Variants in SPIDR observed in about 807,000 individuals in gnomAD.
SPIDR encodes the protein DNA repair-scaffolding protein.
In SPIDR, 93 loss-of-function variants were observed where a neutral mutation model predicts 104.6. The ratio of observed to expected loss-of-function variants is 0.89; its 90% CI spans 0.75 to 1.06. SPIDR has a LOEUF of 1.06. Among genes scored for constraint, SPIDR ranks in the 50% least tolerant of loss-of-function variants. SPIDR has a pLI of 0.00. For synonymous variants in SPIDR, 431 were observed against 416.9 expected (o/e 1.03, Z -0.41); for missense variants, 1,154 against 1,111.2 (o/e 1.04, Z -0.55).
At chr8:47,280,153 G>C (rs929033916) in intron 2 of SPIDR, 136 bp downstream of exon 2, 2 of 741,710 alleles carry the variant, frequency 2.7e-6, no homozygotes, top group Non-Finnish European at 4.0e-6. Context: ...TCCTTTTCTT[G>C]CCTTTCATTC....
intron 8 of SPIDR, among the ~76,000 whole-genome samples, chr8:47,580,623 G>A (rs536971166): frequency 4.6e-4 from 70 of 150,608 alleles, no homozygotes; most frequent in South Asian, 2.1e-4. Flanking sequence ...AGATTCTCAC[G>A]TGCTTGGTCA....
intron 5 of SPIDR, among the ~76,000 whole-genome samples, chr8:47,340,166 T>G (rs1587298035): frequency 6.6e-6 from 1 of 152,054 alleles, no homozygotes; most frequent in Non-Finnish European, 1.5e-5. Flanking sequence ...ATGAAGTTTC[T>G]AACACAAAAG....
intron 1 of SPIDR, among the ~76,000 whole-genome samples, chr8:47,268,426 TAAC>T (rs2034543617): frequency 6.6e-6 from 1 of 152,256 alleles, no homozygotes; most frequent in Non-Finnish European, 1.5e-5. Flanking sequence ...ATTATCATCT[TAAC>T]AATATTATTT....
At chr8:47,611,943 C>T (rs901657948) in intron 10 of SPIDR, among the ~76,000 whole-genome samples, 24 of 152,224 alleles carry the variant, frequency 1.6e-4, no homozygotes, top group Admixed American at 2.6e-4. Context: ...GGAGAGACTC[C>T]TCAGGCCTCT....
At chr8:47,319,542 A>G (rs1445303485) in intron 5 of SPIDR, among the ~76,000 whole-genome samples, 2 of 152,192 alleles carry the variant, frequency 1.3e-5, no homozygotes, top group Non-Finnish European at 2.9e-5. Flanking sequence ...TCAGTGAGAC[A>G]GAAAGTTAAC....
At chr8:47,550,297 G>C (rs534859837) in intron 8 of SPIDR, among the ~76,000 whole-genome samples, 1 of 152,114 alleles carries the variant, frequency 6.6e-6, no homozygotes, top group African/African-American at 2.4e-5. Context: ...TTCCAATTCT[G>C]TGAAGAAAGT....
intron 7 of SPIDR, among the ~76,000 whole-genome samples, chr8:47,416,110 G>T (rs2064234068): frequency 6.6e-6 from 1 of 152,172 alleles, no homozygotes; most frequent in Non-Finnish European, 1.5e-5. Context: ...CAGGTGTGGT[G>T]GCAGGCGCCT....
intron 8 of SPIDR, among the ~76,000 whole-genome samples, chr8:47,469,419 CAT>C (rs1176337081): frequency 2.0e-5 from 3 of 151,980 alleles, no homozygotes; most frequent in Admixed American, 2.0e-4. Flanking sequence ...CGCAGGCAAG[CAT>C]ATGTTTGTTG....
chr8:47,323,702 A>G (rs1374588143), intron 5 of SPIDR, among the ~76,000 whole-genome samples: 2 of 152,180 alleles, frequency 1.3e-5, no homozygotes, highest in African/African-American at 4.8e-5. Context: ...ACAGCTGAAC[A>G]TAGAAGACAT....
At chr8:47,376,964 T>A (rs1479517841) in intron 5 of SPIDR, among the ~76,000 whole-genome samples, 1 of 152,218 alleles carries the variant, frequency 6.6e-6, no homozygotes, top group Non-Finnish European at 1.5e-5. Context: ...TCATGTGTTA[T>A]CTCTGGCTGC....
Position 47,687,496 on chromosome 8 carries a change from CTCTG to C in SPIDR, c.1686-12901_1686-12898del, listed in dbSNP as rs1189446189. On this transcript the variant is annotated intron_variant, in intron 11 of 19. Transcript: ENST00000297423. ...TGCTGCAACACACTTCCTTGTATATCTCTGTCTGTATCTCCTGTATGTATTGAGC... is the reference window on the plus strand; with the variant it reads ...TGCTGCAACACACTTCCTTGTATATCTCTGTATCTCCTGTATGTATTGAGC... Among the ~76,000 whole-genome samples, 3 of 152,216 alleles carry C rather than the reference CTCTG, an allele frequency of 2.0e-5. No individual in the cohort carries two copies. In the East Asian group the frequency reaches 5.8e-4, roughly 29 times the overall value.
chr8:47,289,645 C>G (rs1043200877), intron 3 of SPIDR, among the ~76,000 whole-genome samples: 7 of 152,106 alleles, frequency 4.6e-5, no homozygotes, highest in African/African-American at 1.4e-4. Context: ...GACTGGATCA[C>G]CAGTACATTG....
rs528336160 is a variant in SPIDR, at chr8:47,679,122, G to C, written c.1685+5181G>C. ...CACCAGGGTGCCCTCTGGCACCATG[G>C]AGGTAACCTTGCAGCTCACTCTGGT... On this transcript the variant is annotated intron_variant, in intron 11 of 19. Transcript: ENST00000297423. Among the ~76,000 whole-genome samples, 30 of 152,306 alleles carry C rather than the reference G, an allele frequency of 2.0e-4. No individual in the cohort carries two copies. The Middle Eastern group carries it at 0.024, about 121-fold the overall frequency.
intron 8 of SPIDR, among the ~76,000 whole-genome samples, chr8:47,540,705 C>G (rs896413417): frequency 6.6e-6 from 1 of 152,032 alleles, no homozygotes; most frequent in African/African-American, 2.4e-5. Context: ...TCTTGTCTTT[C>G]CCCCCATTGC....
intron 8 of SPIDR, among the ~76,000 whole-genome samples, chr8:47,489,089 A>G (rs2078212116): frequency 1.3e-5 from 2 of 152,222 alleles, no homozygotes; most frequent in Non-Finnish European, 2.9e-5. Context: ...ACATGATTGT[A>G]TATTTAGAAA....
chr8:47,627,681 C>A (rs1395189971), intron 10 of SPIDR, among the ~76,000 whole-genome samples: 1 of 151,980 alleles, frequency 6.6e-6, no homozygotes, highest in Non-Finnish European at 1.5e-5. Flanking sequence ...CATGTGATTC[C>A]TCCCCCCTCC....
chr8:47,593,550 A>G (rs2061310354), intron 8 of SPIDR, among the ~76,000 whole-genome samples: 1 of 152,196 alleles, frequency 6.6e-6, no homozygotes, highest in African/African-American at 2.4e-5. Flanking sequence ...CATGGTTCTT[A>G]GTATAACAAG....
chr8:47,622,341 A>G (rs2065282390), intron 10 of SPIDR, among the ~76,000 whole-genome samples: 1 of 152,236 alleles, frequency 6.6e-6, no homozygotes, highest in Non-Finnish European at 1.5e-5. Flanking sequence ...ACTTGAAGTC[A>G]GAGACCCACC....
intron 10 of SPIDR, among the ~76,000 whole-genome samples, chr8:47,601,263 T>C (rs1008165792): frequency 2.0e-5 from 3 of 152,216 alleles, no homozygotes; most frequent in African/African-American, 7.2e-5. Context: ...ATATCGAGGC[T>C]AGACAATATT....
Sources: allele counts gnomAD v4.1 joint callset (sites outside exome capture counted in the v4.1 genomes callset), GRCh38; gene constraint gnomAD v4.1.1; transcripts MANE v1.5; gene names NCBI Gene and HGNC (gene_info 2026-07-23, HGNC 2026-07-21).